Variants in HMGCL observed in about 807,000 individuals in gnomAD.
HMGCL encodes the protein hydroxymethylglutaryl-CoA lyase, mitochondrial.
Under a neutral mutation model 37.3 loss-of-function variants are expected in HMGCL, and 26 were observed. That is an observed-to-expected ratio of 0.70 (90% CI 0.51 to 0.97). HMGCL has a LOEUF of 0.97. Among genes scored for constraint, HMGCL ranks in the 50% least tolerant of loss-of-function variants. HMGCL has a pLI of 0.00. For missense variants in HMGCL, 379 were observed against 398.1 expected, an observed-to-expected ratio of 0.95 and a Z score of 0.41; for synonymous variants, 151 against 148.0, an observed-to-expected ratio of 1.02 and a Z score of -0.15.
chr1:23,823,466 C>A (rs971226601), intron 1 of HMGCL, among the ~76,000 whole-genome samples: 1 of 151,768 alleles, frequency 6.6e-6, no homozygotes. Flanking sequence ...GATTCTCCTG[C>A]CTCAGCCTCC....
At chr1:23,820,401 G>A in intron 2 of HMGCL, 109 bp downstream of exon 2, 1 of 800,856 alleles carries the variant, frequency 1.2e-6, no homozygotes, top group East Asian at 2.5e-5. Flanking sequence ...AACTTGTGCA[G>A]AGGAATCACA....
At chr1:23,808,928 C>G (rs1040230606) in intron 6 of HMGCL, among the ~76,000 whole-genome samples, 2 of 150,576 alleles carry the variant, frequency 1.3e-5, no homozygotes, top group South Asian at 4.2e-4. Context: ...TTTTTTGAGA[C>G]AGAGTCTCAC....
At chr1:23,817,676 T>G (rs1638636926) in intron 2 of HMGCL, 93 bp from the exon 3 acceptor site, 10 of 787,610 alleles carry the variant, frequency 1.3e-5, no homozygotes, top group Non-Finnish European at 2.2e-5. Flanking sequence ...ATAGATAATT[T>G]TTTGCAGTGG....
chr1:23,817,073 G>A (rs1050909834), intron 3 of HMGCL, among the ~76,000 whole-genome samples: 3 of 152,234 alleles, frequency 2.0e-5, no homozygotes, highest in Non-Finnish European at 4.4e-5. Context: ...GCCAGGCACT[G>A]AGCTCAGCTC....
At chr1:23,823,923 T>C (rs1638768831) in intron 1 of HMGCL, among the ~76,000 whole-genome samples, 1 of 133,210 alleles carries the variant, frequency 7.5e-6, no homozygotes, top group South Asian at 2.7e-4. Flanking sequence ...GATTAAGTAA[T>C]CTTCCCGAGG....
chr1:23,805,497 A>C (rs1375704125), intron 7 of HMGCL, among the ~76,000 whole-genome samples: 1 of 152,226 alleles, frequency 6.6e-6, no homozygotes, highest in Non-Finnish European at 1.5e-5. Context: ...GCTCTAGTCA[A>C]GGCCACTGGT....
chr1:23,808,742 CTTTTT>C (rs56215335), intron 6 of HMGCL, among the ~76,000 whole-genome samples: 4 of 104,268 alleles, frequency 3.8e-5, no homozygotes, highest in Non-Finnish European at 5.7e-5. Context: ...TATTTTTTTT[CTTTTT>C]TTTTTTTTTT....
At chr1:23,810,311 A>G (rs1638495678) in intron 6 of HMGCL, 1 of 224,686 alleles carries the variant, frequency 4.5e-6, no homozygotes, top group South Asian at 6.1e-5. Flanking sequence ...TTTGAGGACT[A>G]AATGACATAA....
intron 1 of HMGCL, among the ~76,000 whole-genome samples, chr1:23,821,951 C>T (rs1170322604): frequency 6.6e-6 from 1 of 152,144 alleles, no homozygotes; most frequent in Non-Finnish European, 1.5e-5. Flanking sequence ...TCCTCCCACC[C>T]CCATTATTTT....
chr1:23,807,740 A>G lies in HMGCL; in HGVS notation c.750+395T>C, dbSNP rs373363634. Among the ~76,000 whole-genome samples, 4 of 152,240 alleles carry G rather than the reference A, an allele frequency of 2.6e-5. No homozygotes were observed. The East Asian group carries it at 7.7e-4, about 29-fold the overall frequency. On this transcript the variant is annotated intron_variant, in intron 7 of 8. Transcript: ENST00000374490. ...TGTATGAGTCCTCCCTGAACCCCAC[A>G]TCAGTCCTGAGGTGCAATTCTGCCT... is the stretch of plus-strand genomic sequence containing the variant.
intron 4 of HMGCL, among the ~76,000 whole-genome samples, chr1:23,815,547 A>G (rs144784301): frequency 0.019 from 2,934 of 151,504 alleles, 97 homozygotes; most frequent in African/African-American, 0.067. Context: ...CCAGGCTGGA[A>G]TGCAGTGGCA....
chr1:23,823,477 C>A (rs939669163), intron 1 of HMGCL, among the ~76,000 whole-genome samples: 1 of 151,788 alleles, frequency 6.6e-6, no homozygotes. Context: ...CTCAGCCTCC[C>A]GAGTAGCTGG....
chr1:23,816,009 C>T (rs1043990715), intron 4 of HMGCL, among the ~76,000 whole-genome samples: 1 of 151,730 alleles, frequency 6.6e-6, no homozygotes, highest in Non-Finnish European at 1.5e-5. Flanking sequence ...GCCTCGAACT[C>T]CTAGTCTCAA....
At chr1:23,808,348 A>T in intron 6 of HMGCL, 25 bp from the exon 7 acceptor site, 1 of 1,599,500 alleles carries the variant, frequency 6.3e-7, no homozygotes, top group Non-Finnish European at 8.6e-7. Context: ...AGGCACTTGG[A>T]GGATACAGAA....
chr1:23,822,527 T>G (rs1638739997), intron 1 of HMGCL, among the ~76,000 whole-genome samples: 1 of 152,246 alleles, frequency 6.6e-6, no homozygotes, highest in Non-Finnish European at 1.5e-5. Context: ...CACTGTGTGA[T>G]CCGCTAAGGA....
At chr1:23,813,902 C>G in intron 5 of HMGCL, 1 of 459,716 alleles carries the variant, frequency 2.2e-6, no homozygotes, top group Non-Finnish European at 4.0e-6. Flanking sequence ...ACTGCAGCCT[C>G]AAACTCCTGG....
At chr1:23,814,138 GCCCCATT>G in intron 5 of HMGCL, 45 bp downstream of exon 5, 1 of 1,601,350 alleles carries the variant, frequency 6.2e-7, no homozygotes, top group Non-Finnish European at 8.5e-7. Flanking sequence ...TCAGAGTCTA[GCCCCATT>G]CCAGAACGGT....
At chr1:23,808,382 A>C in intron 6 of HMGCL, 59 bp from the exon 7 acceptor site, 3 of 1,448,748 alleles carry the variant, frequency 2.1e-6, no homozygotes, top group East Asian at 2.3e-5. Context: ...GGATCCATGC[A>C]CTCAGAAGAG....
At position 23,806,799 on chromosome 1, in the gene HMGCL, TTAGGTTAGGTTTTAA is replaced by T. The variant is rs1430434660; in HGVS notation, c.750+1321_750+1335del. On this transcript the variant is annotated intron_variant, in intron 7 of 8. Coordinates refer to ENST00000374490, the MANE Select transcript of HMGCL (RefSeq NM_000191.3). This position sits in a 1 kb window ranked among gnomAD's most constrained non-coding sequence, Gnocchi z 4.0. The stretch of plus-strand genomic sequence containing the variant: ...ACAGTGCCTAGCACACTAGGCACCG[TTAGGTTAGGTTTTAA>T]TAGGTGAATAAATGGTCTTACAATG... The T allele has an allele frequency of 2.7e-6, 1 of 372,742 alleles. No homozygotes were observed. The highest frequency in any genetic ancestry group is 2.1e-5 in the African/African-American group (1 of 47,216). The allele number at this position is 372,742 out of a possible 1,614,324, so 23.1% of individuals were successfully genotyped here. A position where few individuals can be genotyped will look rare whatever the true frequency, so the allele number is the denominator to read the frequency against.
Sources: allele counts gnomAD v4.1 joint callset (sites outside exome capture counted in the v4.1 genomes callset), GRCh38; gene constraint gnomAD v4.1.1; non-coding constraint Gnocchi (gnomAD v3.1); transcripts MANE v1.5; gene names NCBI Gene and HGNC (gene_info 2026-07-23, HGNC 2026-07-21).